Variants in MCPH1 observed in about 807,000 individuals in gnomAD.
MCPH1 encodes the protein microcephalin 1.
A neutral mutation model predicts 84.5 loss-of-function variants in MCPH1; 104 were observed. The observed-to-expected ratio is 1.23, with a 90% CI of 1.05 to 1.45. MCPH1 has a LOEUF of 1.45. Ranked by LOEUF, MCPH1 falls within the 40% of genes most tolerant of loss-of-function variation. The pLI is 0.00. For missense variants in MCPH1, 1,498 were observed against 1,005.7 expected (o/e 1.49, Z -6.62); for synonymous variants, 514 against 366.8 (o/e 1.40, Z -4.58).
chr8:6,553,373 C>T (rs764122806), intron 12 of MCPH1, among the ~76,000 whole-genome samples: 2 of 152,162 alleles, frequency 1.3e-5, no homozygotes, highest in Admixed American at 6.5e-5. Flanking sequence ...TAAACCTAGC[C>T]AGCCCTCACT....
At chr8:6,413,539 T>G (rs1798827500) in intron 2 of MCPH1, among the ~76,000 whole-genome samples, 1 of 151,922 alleles carries the variant, frequency 6.6e-6, no homozygotes, top group Non-Finnish European at 1.5e-5. Flanking sequence ...GGCTGTTGGA[T>G]CTCCTGGTCT....
intron 12 of MCPH1, chr8:6,562,825 T>G: frequency 6.2e-7 from 1 of 1,614,048 alleles, no homozygotes; most frequent in Non-Finnish European, 8.5e-7. Flanking sequence ...GGACCCATGC[T>G]GGACCTGATA....
At chr8:6,462,639 G>A (rs1283468764) in intron 9 of MCPH1, among the ~76,000 whole-genome samples, 1 of 152,182 alleles carries the variant, frequency 6.6e-6, no homozygotes, top group African/African-American at 2.4e-5. Flanking sequence ...CCTGGGTTCA[G>A]TCCCATCTCT....
intron 12 of MCPH1, among the ~76,000 whole-genome samples, chr8:6,523,688 C>G (rs1009545055): frequency 6.6e-6 from 1 of 152,170 alleles, no homozygotes; most frequent in Non-Finnish European, 1.5e-5. Context: ...CTCCCGGATT[C>G]AAGCAGTTCT....
chr8:6,636,159 C>G (rs952739623), intron 13 of MCPH1, among the ~76,000 whole-genome samples: 1 of 151,982 alleles, frequency 6.6e-6, no homozygotes. Context: ...GCCAACATGG[C>G]AAAACCCCAT....
At chr8:6,510,658 C>T (rs1814876155) in intron 12 of MCPH1, among the ~76,000 whole-genome samples, 1 of 152,148 alleles carries the variant, frequency 6.6e-6, no homozygotes. Context: ...ACTCTTAAGT[C>T]ATGGAGGTAG....
chr8:6,411,267 G>A (rs376014985), intron 2 of MCPH1, among the ~76,000 whole-genome samples: 2 of 152,242 alleles, frequency 1.3e-5, no homozygotes, highest in Admixed American at 6.5e-5. Flanking sequence ...AACTGTTACC[G>A]TGGTGACATA....
At chr8:6,468,150 C>G (rs894728629) in intron 9 of MCPH1, among the ~76,000 whole-genome samples, 9 of 152,166 alleles carry the variant, frequency 5.9e-5, no homozygotes, top group African/African-American at 2.2e-4. Context: ...GGCAGTCTTT[C>G]CTGTGCAGAT....
chr8:6,605,358 G>A (rs10091484), intron 12 of MCPH1, among the ~76,000 whole-genome samples: 8,896 of 152,226 alleles, frequency 0.058, 882 homozygotes, highest in African/African-American at 0.2. Flanking sequence ...ACCCAGGGGT[G>A]AGTTTTGTAA....
chr8:6,510,525 A>G lies in MCPH1; in HGVS notation c.2214+10596A>G, dbSNP rs561731599. 2.6e-5 allele frequency among the ~76,000 whole-genome samples: 4 copies of G among 152,356 alleles called. No homozygotes were observed. The South Asian group carries it at 8.3e-4, about 32-fold the overall frequency. On this transcript the variant is annotated intron_variant, in intron 12 of 13. Coordinates refer to ENST00000344683, the MANE Select transcript of MCPH1 (RefSeq NM_024596.5). ...TTTAGTTTTACCTGCTGGTCGGGCC[A>G]GGCCAGGTGCTTACACCTGCATGCA...
chr8:6,567,987 C>G (rs1826339942), intron 12 of MCPH1, among the ~76,000 whole-genome samples: 1 of 152,150 alleles, frequency 6.6e-6, no homozygotes, highest in African/African-American at 2.4e-5. Context: ...TTTGTTTTCT[C>G]CCCCATATTC....
chr8:6,490,637 T>C (rs1004694712), intron 11 of MCPH1, among the ~76,000 whole-genome samples: 3 of 152,240 alleles, frequency 2.0e-5, no homozygotes, highest in Admixed American at 6.5e-5. Flanking sequence ...CCTGATACTT[T>C]TGATGTATGA....
At chr8:6,472,989 C>T (rs12681195) in intron 9 of MCPH1, among the ~76,000 whole-genome samples, 1 of 151,992 alleles carries the variant, frequency 6.6e-6, no homozygotes, top group African/African-American at 2.4e-5. Context: ...CTAAGAGACA[C>T]GATTTCTTGA....
intron 12 of MCPH1, among the ~76,000 whole-genome samples, chr8:6,609,306 C>G (rs1280112406): frequency 6.6e-6 from 1 of 152,218 alleles, no homozygotes; most frequent in Non-Finnish European, 1.5e-5. Flanking sequence ...CGTGTGCCCA[C>G]TATCGGGGAC....
chr8:6,508,847 C>T (rs1297704870), intron 12 of MCPH1: 1 of 1,564,966 alleles, frequency 6.4e-7, no homozygotes. Flanking sequence ...TTACAAATCA[C>T]AATTTGTAGT....
chr8:6,476,194 C>T (rs886478181), intron 9 of MCPH1, among the ~76,000 whole-genome samples: 20 of 151,876 alleles, frequency 1.3e-4, no homozygotes, highest in African/African-American at 4.6e-4. Context: ...TTTGGGAGGC[C>T]GAGGTGGGTG....
chr8:6,498,017 G>T (rs968190860), intron 11 of MCPH1, among the ~76,000 whole-genome samples: 3 of 152,054 alleles, frequency 2.0e-5, no homozygotes, highest in Non-Finnish European at 1.5e-5. Flanking sequence ...GCAATAAGGG[G>T]GAAAATAAAA....
intron 12 of MCPH1, among the ~76,000 whole-genome samples, chr8:6,617,932 T>TATCTATCTATCTATCTATCA (rs1554481051): frequency 1.3e-5 from 2 of 151,884 alleles, no homozygotes; most frequent in African/African-American, 4.8e-5. Context: ...TCTATCTATC[T>TATCTATCTATCTATCTATCA]ATCTATCTAT....
At chr8:6,530,302 G>A (rs1819227052) in intron 12 of MCPH1, among the ~76,000 whole-genome samples, 1 of 152,138 alleles carries the variant, frequency 6.6e-6, no homozygotes, top group South Asian at 2.1e-4. Flanking sequence ...GAGGTCAGGA[G>A]TTCGAGACCA....
Sources: gnomAD v4.1 joint callset for allele counts (sites outside exome capture counted in the v4.1 genomes callset) on GRCh38, gnomAD v4.1.1 for gene constraint, MANE v1.5 for transcripts, NCBI Gene and HGNC (gene_info 2026-07-23, HGNC 2026-07-21) for gene names.